Variants in CEPT1 observed in about 807,000 individuals in gnomAD.
CEPT1 encodes choline/ethanolamine phosphotransferase 1, also known as choline/ethanolaminephosphotransferase 1.
In CEPT1, 7 loss-of-function variants were observed where a neutral mutation model predicts 42.6. The ratio of observed to expected loss-of-function variants is 0.16; its 90% CI spans 0.09 to 0.31. CEPT1 has a LOEUF of 0.31. Ranked by LOEUF, CEPT1 falls within the 10% of genes least tolerant of loss-of-function variation. CEPT1 has a pLI of 1.00. For synonymous variants in CEPT1, 171 were observed against 171.9 expected (o/e 0.99, Z 0.04); for missense variants, 306 against 502.1 (o/e 0.61, Z 3.73).
intron 2 of CEPT1, among the ~76,000 whole-genome samples, chr1:111,157,467 T>A (rs1219314749): frequency 6.6e-6 from 1 of 152,200 alleles, no homozygotes. Context: ...ACTGAATTTT[T>A]AATTTTATTT....
intron 2 of CEPT1, among the ~76,000 whole-genome samples, chr1:111,156,860 A>T (rs898700003): frequency 6.6e-6 from 1 of 152,122 alleles, no homozygotes. Flanking sequence ...GTTTCTTGGA[A>T]TTTTTTACCT....
chr1:111,177,817 G>A (rs987128956), intron 5 of CEPT1, among the ~76,000 whole-genome samples: 1 of 149,792 alleles, frequency 6.7e-6, no homozygotes, highest in Non-Finnish European at 1.5e-5. Context: ...CAGGATTCAT[G>A]AGGTGAGGTT....
At chr1:111,162,065 G>A (rs1044563659) in intron 4 of CEPT1, among the ~76,000 whole-genome samples, 2 of 152,330 alleles carry the variant, frequency 1.3e-5, no homozygotes, top group Non-Finnish European at 2.9e-5. Flanking sequence ...ATGCCTGCCT[G>A]TAGGGAGTGG....
chr1:111,164,475 A>C (rs536070224), intron 4 of CEPT1, among the ~76,000 whole-genome samples: 1 of 152,266 alleles, frequency 6.6e-6, no homozygotes, highest in Non-Finnish European at 1.5e-5. Flanking sequence ...GATAAATATG[A>C]ATTGAAGCTC....
intron 2 of CEPT1, among the ~76,000 whole-genome samples, chr1:111,153,126 T>C (rs566774371): frequency 6.6e-6 from 1 of 152,252 alleles, no homozygotes; most frequent in South Asian, 2.1e-4. Context: ...TATCCTCCCC[T>C]CCTCCTTACC....
Position 111,184,337 on chromosome 1 carries a change from A to G in CEPT1, c.*27A>G, listed in dbSNP as rs1336806115. On this transcript the variant is annotated 3_prime_UTR_variant, in exon 9 of 9. Transcript: ENST00000357172. ...GATGTAATTGGTATATAGGAACATC[A>G]TGTTTTCTGCAGGAAAGAAAGTAAC... 1 of 1,579,570 alleles carries G rather than the reference A, an allele frequency of 6.3e-7. No individual in the cohort carries two copies. The highest frequency in any genetic ancestry group is 2.3e-5 in the East Asian group (1 of 44,206).
intron 1 of CEPT1, among the ~76,000 whole-genome samples, chr1:111,144,153 A>G (rs1654821116): frequency 6.6e-6 from 1 of 152,088 alleles, no homozygotes; most frequent in African/African-American, 2.4e-5. Context: ...CTCCATTGAG[A>G]TATGCTTGCT....
chr1:111,171,299 A>C (rs1026688432), intron 4 of CEPT1, among the ~76,000 whole-genome samples: 1 of 152,208 alleles, frequency 6.6e-6, no homozygotes, highest in Non-Finnish European at 1.5e-5. Context: ...CTTCTGATGT[A>C]ATAACTGCCT....
At chr1:111,162,135 T>C (rs1279277056) in intron 4 of CEPT1, among the ~76,000 whole-genome samples, 6 of 152,176 alleles carry the variant, frequency 3.9e-5, no homozygotes, top group African/African-American at 7.2e-5. Flanking sequence ...CCAAGAAATA[T>C]GAGCTTTTAC....
At chr1:111,176,289 A>G (rs1254127151) in intron 5 of CEPT1, among the ~76,000 whole-genome samples, 3 of 152,176 alleles carry the variant, frequency 2.0e-5, no homozygotes, top group African/African-American at 7.2e-5. Context: ...TTTGCTCTTC[A>G]GTAGACTAGT....
At chr1:111,174,775 T>G (rs1363589810) in intron 4 of CEPT1, 104 bp from the exon 5 acceptor site, 1 of 609,804 alleles carries the variant, frequency 1.6e-6, no homozygotes. Context: ...TTGAGATTTT[T>G]TTTTTCTATT....
intron 2 of CEPT1, among the ~76,000 whole-genome samples, chr1:111,153,809 G>T (rs1332256623): frequency 6.6e-6 from 1 of 151,980 alleles, no homozygotes; most frequent in African/African-American, 2.4e-5. Context: ...ATTTCTTTGG[G>T]TCTGTATGTC....
chr1:111,158,543 C>A (rs906549074), intron 2 of CEPT1, among the ~76,000 whole-genome samples: 1 of 152,144 alleles, frequency 6.6e-6, no homozygotes, highest in Non-Finnish European at 1.5e-5. Flanking sequence ...ATGTTACAAA[C>A]TCAAATAAAT....
At chr1:111,182,109 A>C in intron 5 of CEPT1, 78 bp from the exon 6 acceptor site, 1 of 1,178,406 alleles carries the variant, frequency 8.5e-7, no homozygotes, top group Non-Finnish European at 1.2e-6. Context: ...GTTTTTGGGA[A>C]TATGAATCAA....
intron 5 of CEPT1, among the ~76,000 whole-genome samples, chr1:111,175,916 C>A (rs933602783): frequency 6.6e-5 from 10 of 152,058 alleles, no homozygotes; most frequent in Admixed American, 6.6e-4. Flanking sequence ...ATTTACTAGA[C>A]CTAAATTAAT....
At chr1:111,174,836 G>A in intron 4 of CEPT1, 43 bp from the exon 5 acceptor site, 1 of 1,184,496 alleles carries the variant, frequency 8.4e-7, no homozygotes, top group Non-Finnish European at 1.3e-6. Context: ...ACTTGAAATT[G>A]TTGTGACTAA....
chr1:111,163,723 A>G (rs1655990007), intron 4 of CEPT1, among the ~76,000 whole-genome samples: 1 of 152,248 alleles, frequency 6.6e-6, no homozygotes, highest in Non-Finnish European at 1.5e-5. Context: ...CATAGAATCT[A>G]TAGAATACAT....
chr1:111,182,510 T>A, intron 6 of CEPT1, 192 bp downstream of exon 6: 1 of 622,492 alleles, frequency 1.6e-6, no homozygotes, highest in East Asian at 2.9e-5. Flanking sequence ...ATATTCATAC[T>A]TTTATGCATA....
intron 4 of CEPT1, chr1:111,167,611 A>T (rs1571143193): frequency 2.0e-6 from 2 of 978,884 alleles, no homozygotes; most frequent in East Asian, 2.3e-4. Context: ...GATTCTGCTT[A>T]TTCTGTTAAC....
Sources: allele counts gnomAD v4.1 joint callset (sites outside exome capture counted in the v4.1 genomes callset), GRCh38; gene constraint gnomAD v4.1.1; transcripts MANE v1.5; gene names NCBI Gene and HGNC (gene_info 2026-07-23, HGNC 2026-07-21).